The following KLF4 variants were observed in gnomAD, a reference collection of about 807,000 sequenced individuals.
The protein encoded by KLF4 is Krueppel-like factor 4.
In KLF4, 14 loss-of-function variants were observed where a neutral mutation model predicts 38.0. The ratio of observed to expected loss-of-function variants is 0.37; its 90% CI spans 0.24 to 0.58. The LOEUF is 0.58. Ranked by LOEUF, KLF4 falls within the 20% of genes least tolerant of loss-of-function variation. The pLI is 0.76. For missense variants in KLF4, 737 were observed against 670.1 expected, an observed-to-expected ratio of 1.10 and a Z score of -1.10; for synonymous variants, 398 against 302.5, an observed-to-expected ratio of 1.32 and a Z score of -3.28.
In KLF4 at chr9:107,485,983, C is replaced by G; in HGVS notation, c.1265-57G>C. 2 of 1,525,860 alleles carry G rather than the reference C, an allele frequency of 1.3e-6. No individual in the cohort carries two copies. The highest frequency in any genetic ancestry group is 1.8e-6 in the Non-Finnish European group (2 of 1,128,328). 94.5% of individuals were successfully genotyped at this position (1,525,860 alleles called of 1,614,324 possible). On this transcript the variant is annotated intron_variant, in intron 4 of 4. Transcript: ENST00000374672. The surrounding 1 kb of genome is among the most constrained non-coding windows in gnomAD (Gnocchi z 4.9). ...CTATTGCTATATCAAAGAATCGCCC[C>G]TTTTAAAAACTGAAGGCCAGATAGT... is the stretch of plus-strand genomic sequence containing the variant.
intron 4 of KLF4, among the ~76,000 whole-genome samples, chr9:107,486,144 A>G (rs1263690254): frequency 6.6e-6 from 1 of 152,150 alleles, no homozygotes; most frequent in Non-Finnish European, 1.5e-5. Flanking sequence ...GGGTCAGTTA[A>G]GCACACAACC....
Position 107,488,025 on chromosome 9 carries a change from G to T in KLF4, c.369C>A (p.Thr123=). 6.2e-7 allele frequency: 1 copy of T among 1,609,042 alleles called. No homozygotes were observed. The highest frequency in any genetic ancestry group is 2.2e-5 in the East Asian group (1 of 44,634). Reference sequence around the variant, plus strand: ...AGGAGGCTGACGCTGACGAGGACACGGTGGCGGCCACTGACTCCGGAGGAT... The same window carrying T: ...AGGAGGCTGACGCTGACGAGGACACTGTGGCGGCCACTGACTCCGGAGGAT... The part of the protein sequence containing the change: ...LTHPPESVAA[T]VSSSASASSS... The change falls in exon 3 of 5, where the codon ACC becomes ACA. Residue 123 remains threonine (T), a synonymous_variant. Transcript: ENST00000374672. The surrounding 1 kb of genome is among the most constrained non-coding windows in gnomAD (Gnocchi z 5.7).
Position 107,487,206 on chromosome 9 carries a change from A to C in KLF4, c.1100-14T>G. ...GTGGCATGAGCTCTAGGGGTGAAGA[A>C]GGTGGGGTGAGCATCATCCCGTGTG... On this transcript the variant is annotated splice_polypyrimidine_tract_variant and intron_variant, in intron 3 of 4. Transcript: ENST00000374672. The surrounding 1 kb of genome is among the most constrained non-coding windows in gnomAD (Gnocchi z 6.1). The C allele has an allele frequency of 1.2e-6, 2 of 1,613,236 alleles. No homozygotes were observed. Among genetic ancestry groups the C allele is most frequent in the Non-Finnish European group, 1.7e-6 (2 of 1,179,482 alleles).
chr9:107,488,826 C>T lies in KLF4; in HGVS notation c.126+104G>A. 1 of 1,451,740 alleles carries T rather than the reference C, an allele frequency of 6.9e-7. No individual in the cohort carries two copies. Among genetic ancestry groups the T allele is most frequent in the Non-Finnish European group, 9.2e-7 (1 of 1,083,558 alleles). The allele number at this position is 1,451,740 out of a possible 1,614,324, so 89.9% of individuals were successfully genotyped here. A position where few individuals can be genotyped will look rare whatever the true frequency, so the allele number is the denominator to read the frequency against. On this transcript the variant is annotated intron_variant, in intron 2 of 4. Transcript: ENST00000374672. This position sits in a 1 kb window ranked among gnomAD's most constrained non-coding sequence, Gnocchi z 5.7. Reference sequence around the variant, plus strand: ...TGCGGAGTCCGCGCGGTGGCCGCTCCTTACCCTCGTTCAGTGGCTCTTGGT... The same window carrying T: ...TGCGGAGTCCGCGCGGTGGCCGCTCTTTACCCTCGTTCAGTGGCTCTTGGT...
intron 4 of KLF4, among the ~76,000 whole-genome samples, chr9:107,486,715 G>C (rs1386905462): frequency 1.3e-5 from 2 of 152,026 alleles, no homozygotes; most frequent in Non-Finnish European, 2.9e-5. Context: ...AGCTAGGAGA[G>C]GCCCACAGAC....
At position 107,485,577 on chromosome 9, in the gene KLF4, T is replaced by C. The variant is rs534105926; in HGVS notation, c.*174A>G. On this transcript the variant is annotated 3_prime_UTR_variant, in exon 5 of 5. Coordinates refer to ENST00000374672, the MANE Select transcript of KLF4 (RefSeq NM_004235.6). The surrounding 1 kb of genome is among the most constrained non-coding windows in gnomAD (Gnocchi z 4.9). ...CCCCATCTGTTCTTTGATTTTTGTC[T>C]TTTGGATTCCTCATTTTTCCTGATT... 6 of 604,492 alleles carry C rather than the reference T, an allele frequency of 9.9e-6. No homozygotes were observed. The highest frequency in any genetic ancestry group is 1.7e-5 in the Non-Finnish European group (6 of 362,682). 37.4% of individuals were successfully genotyped at this position (604,492 alleles called of 1,614,324 possible). A position where few individuals can be genotyped will look rare whatever the true frequency, so the allele number is the denominator to read the frequency against.
At position 107,487,741 on chromosome 9, in the gene KLF4, GGCTGCT is replaced by G. The variant is rs920954843; in HGVS notation, c.647_652del (p.Gln216_Gln217del). 2.5e-6 allele frequency: 4 copies of G among 1,579,722 alleles called. No individual in the cohort carries two copies. The highest frequency in any genetic ancestry group is 2.7e-5 in the African/African-American group (2 of 74,156). ...CATCAGCCCGCCACCTGGCGGCTGC[GGCTGCT>G]GCGGCGGAATGTACACCGGGTCCAA... On this transcript the variant is annotated inframe_deletion, in exon 3 of 5. Transcript: ENST00000374672. This position sits in a 1 kb window ranked among gnomAD's most constrained non-coding sequence, Gnocchi z 6.1.
chr9:107,485,202 T>C lies in KLF4; in HGVS notation c.*549A>G, dbSNP rs1482273626. 1 of 204,466 alleles carries C rather than the reference T, an allele frequency of 4.9e-6. No homozygotes were observed. The highest frequency in any genetic ancestry group is 1.0e-5 in the Non-Finnish European group (1 of 99,764). The allele number at this position is 204,466 out of a possible 1,614,324, so 12.7% of individuals were successfully genotyped here. On this transcript the variant is annotated 3_prime_UTR_variant, in exon 5 of 5. Transcript: ENST00000374672. This position sits in a 1 kb window ranked among gnomAD's most constrained non-coding sequence, Gnocchi z 4.9. ...CAAATATAGATTTTCCTTGTCAAAG[T>C]ATGCAGCAGTTTGAAAACTTTGGCT...
chr9:107,487,734 C>G lies in KLF4; in HGVS notation c.660G>C (p.Pro220=). Residue 220 remains proline, a synonymous_variant, in exon 3 of 5, where the codon CCG becomes CCC. Coordinates refer to ENST00000374672, the MANE Select transcript of KLF4 (RefSeq NM_004235.6). This position sits in a 1 kb window ranked among gnomAD's most constrained non-coding sequence, Gnocchi z 6.1. ...PVYIPPQQPQ[P]PGGGLMGKFV... ...ACTTGCCCATCAGCCCGCCACCTGG[C>G]GGCTGCGGCTGCTGCGGCGGAATGT... 6.3e-7 allele frequency: 1 copy of G among 1,586,364 alleles called. No individual in the cohort carries two copies. Among genetic ancestry groups the G allele is most frequent in the Non-Finnish European group, 8.6e-7 (1 of 1,167,094 alleles).
chr9:107,486,072 T>C (rs973180823), intron 4 of KLF4, 146 bp from the exon 5 acceptor site: 3 of 673,590 alleles, frequency 4.5e-6, no homozygotes, highest in Non-Finnish European at 7.4e-6. Context: ...AAGGGGTGTA[T>C]TGAATTCCAT....
Position 107,487,469 on chromosome 9 carries a change from G to GC in KLF4, c.924dup (p.Arg309AlafsTer14). 6.5e-7 allele frequency: 1 copy of GC among 1,536,338 alleles called. No individual in the cohort carries two copies. The highest frequency in any genetic ancestry group is 8.7e-7 in the Non-Finnish European group (1 of 1,143,502). ...GGGGTAGTCCTGCTGGGGAGCTGCC[G>GC]CCCCAGGGGGAAGTCGTGTGCAGCC... On this transcript the variant is annotated frameshift_variant, in exon 3 of 5. Transcript: ENST00000374672. LOFTEE classifies it high-confidence loss of function. This position sits in a 1 kb window ranked among gnomAD's most constrained non-coding sequence, Gnocchi z 6.1.
Position 107,487,477 on chromosome 9 carries a change from G to C in KLF4, c.917C>G (p.Pro306Arg). 6.5e-7 allele frequency: 1 copy of C among 1,541,368 alleles called. No homozygotes were observed. Among genetic ancestry groups the C allele is most frequent in the Non-Finnish European group, 8.7e-7 (1 of 1,145,720 alleles). The change falls in exon 3 of 5, where the codon CCC (proline) becomes CGC (arginine). Residue 306 changes from proline to arginine, a missense_variant. Pro to Arg is a moderately radical substitution (Grantham distance 103). Coordinates refer to ENST00000374672, the MANE Select transcript of KLF4 (RefSeq NM_004235.6). The surrounding 1 kb of genome is among the most constrained non-coding windows in gnomAD (Gnocchi z 6.1). ...NGHRPAAHDF[P>R]LGRQLPSRTT... The stretch of plus-strand genomic sequence containing the variant: ...CCTGCTGGGGAGCTGCCGCCCCAGG[G>C]GGAAGTCGTGTGCAGCCGGCCGGTG...
rs1421452454 is a variant in KLF4, at chr9:107,488,776, G to A, written c.126+154C>T. Among the ~76,000 whole-genome samples, 2 of 152,218 alleles carry A rather than the reference G, an allele frequency of 1.3e-5. No homozygotes were observed. The highest frequency in any genetic ancestry group is 2.9e-5 in the Non-Finnish European group (2 of 68,046). Reference sequence around the variant, plus strand: ...CACGGGCATACACAGCTGAGCCAAGGACACGGAAGCTATCCCGGGAAGGTT... The same window carrying A: ...CACGGGCATACACAGCTGAGCCAAGAACACGGAAGCTATCCCGGGAAGGTT... On this transcript the variant is annotated intron_variant, in intron 2 of 4. Coordinates refer to ENST00000374672, the MANE Select transcript of KLF4 (RefSeq NM_004235.6). The surrounding 1 kb of genome is among the most constrained non-coding windows in gnomAD (Gnocchi z 5.7).
intron 4 of KLF4, 79 bp from the exon 5 acceptor site, chr9:107,486,005 T>TA (rs1170267980): frequency 4.1e-5 from 54 of 1,307,750 alleles, no homozygotes; most frequent in Non-Finnish European, 5.3e-5. Flanking sequence ...GAAGGCCAGA[T>TA]AGTAAACCAA....
In KLF4 at chr9:107,487,319, G is replaced by T; in HGVS notation, c.1075C>A (p.Gln359Lys). 6.4e-7 allele frequency: 1 copy of T among 1,570,100 alleles called. No individual in the cohort carries two copies. Among genetic ancestry groups the T allele is most frequent in the Non-Finnish European group, 8.6e-7 (1 of 1,157,984 alleles). Reference protein sequence around the residue: ...PSFLPDQMQPQVPPLHYQELM... With the variant: ...PSFLPDQMQPKVPPLHYQELM... ...CCTTGGTAATGGAGCGGCGGGACTT[G>T]CGGCTGCATCTGATCGGGCAGGAAG... Residue 359 changes from glutamine to lysine, a missense_variant, in exon 3 of 5, where the codon CAA (glutamine) becomes AAA (lysine). Gln to Lys is a moderately conservative substitution (Grantham distance 53). Transcript: ENST00000374672. The surrounding 1 kb of genome is among the most constrained non-coding windows in gnomAD (Gnocchi z 6.1).
Position 107,487,036 on chromosome 9 carries a change from G to C in KLF4, c.1256C>G (p.Thr419Ser), listed in dbSNP as rs2133187177. ...KSSHLKAHLR[T>S]HTGEKPYHCD... is the part of the protein sequence containing the mutation. ...GCAGTTTGTCCCCCTACCTGTGTGG[G>C]TTCGCAGGTGTGCCTTGAGATGGGA... The change falls in exon 4 of 5, where the codon ACC (threonine) becomes AGC (serine). Residue 419 changes from threonine (T) to serine (S), a missense_variant. Physicochemically the swap from Thr to Ser is moderately conservative, Grantham distance 58. Around this residue, in one of 2 missense-constraint regions of KLF4, gnomAD observed 42 missense variants for 115.5 expected, o/e 0.36. Coordinates refer to ENST00000374672, the MANE Select transcript of KLF4 (RefSeq NM_004235.6). This position sits in a 1 kb window ranked among gnomAD's most constrained non-coding sequence, Gnocchi z 6.1. 1 of 1,614,196 alleles carries C rather than the reference G, an allele frequency of 6.2e-7. No homozygotes were observed. The highest frequency in any genetic ancestry group is 8.5e-7 in the Non-Finnish European group (1 of 1,180,030).
intron 4 of KLF4, 81 bp from the exon 5 acceptor site, chr9:107,486,007 G>T: frequency 7.9e-7 from 1 of 1,268,890 alleles, no homozygotes; most frequent in Non-Finnish European, 1.1e-6. Flanking sequence ...AGGCCAGATA[G>T]TAAACCAACT....
rs1257581449 is a variant in KLF4 at position 107,488,608 on chromosome 9, C to T, written c.126+322G>A. 6.6e-6 allele frequency among the ~76,000 whole-genome samples: 1 copy of T among 152,190 alleles called. No homozygotes were observed. Among genetic ancestry groups the T allele is most frequent in the East Asian group, 1.9e-4 (1 of 5,166 alleles). ...CTCTCGCCACGGGGCCGCCTACGCG[C>T]TAAACTCACTCTGGCCCAGCCAGTG... On this transcript the variant is annotated intron_variant, in intron 2 of 4. Coordinates refer to ENST00000374672, the MANE Select transcript of KLF4 (RefSeq NM_004235.6). This position sits in a 1 kb window ranked among gnomAD's most constrained non-coding sequence, Gnocchi z 5.7.
chr9:107,485,994 T>C lies in KLF4; in HGVS notation c.1265-68A>G. 1.4e-6 allele frequency: 2 copies of C among 1,469,668 alleles called. No individual in the cohort carries two copies. Among genetic ancestry groups the C allele is most frequent in the Non-Finnish European group, 1.8e-6 (2 of 1,081,404 alleles). 91.0% of individuals were successfully genotyped at this position (1,469,668 alleles called of 1,614,324 possible). A position where few individuals can be genotyped will look rare whatever the true frequency, so the allele number is the denominator to read the frequency against. On this transcript the variant is annotated intron_variant, in intron 4 of 4. Coordinates refer to ENST00000374672, the MANE Select transcript of KLF4 (RefSeq NM_004235.6). This position sits in a 1 kb window ranked among gnomAD's most constrained non-coding sequence, Gnocchi z 4.9. ...TCAAAGAATCGCCCCTTTTAAAAAC[T>C]GAAGGCCAGATAGTAAACCAACTCT...
Sources: gnomAD v4.1 joint callset for allele counts (sites outside exome capture counted in the v4.1 genomes callset) on GRCh38, gnomAD v4.1.1 for gene constraint, gnomAD v4.1.1 regional missense constraint, Gnocchi (gnomAD v3.1) non-coding constraint, MANE v1.5 for transcripts, NCBI Gene and HGNC (gene_info 2026-07-23, HGNC 2026-07-21) for gene names.